ZNF202: variants seen among roughly 807,000 people sequenced by gnomAD.
ZNF202 encodes zinc finger protein 202.
Under a neutral mutation model 54.5 loss-of-function variants are expected in ZNF202, and 22 were observed. The observed-to-expected ratio is 0.40, with a 90% CI of 0.29 to 0.58. The LOEUF is 0.58. Ranked by LOEUF, ZNF202 falls within the 20% of genes least tolerant of loss-of-function variation. The pLI, the probability that ZNF202 is intolerant of heterozygous loss-of-function variation, is 0.39. For missense variants in ZNF202, 644 were observed against 805.5 expected, an observed-to-expected ratio of 0.80 and a Z score of 2.43; for synonymous variants, 294 against 301.4, an observed-to-expected ratio of 0.98 and a Z score of 0.26.
intron 3 of ZNF202, chr11:123,739,642 T>G (rs2137381144): frequency 6.6e-6 from 1 of 152,330 alleles, no homozygotes; most frequent in East Asian, 1.9e-4. Flanking sequence ...GCTTTCTTAA[T>G]TTTGCGAACA....
intron 3 of ZNF202, among the ~76,000 whole-genome samples, chr11:123,735,918 A>G (rs559255746): frequency 2.0e-5 from 3 of 152,370 alleles, no homozygotes; most frequent in African/African-American, 7.2e-5. Flanking sequence ...GAAGAGTTCC[A>G]GAGTAAGACA....
intron 5 of ZNF202, among the ~76,000 whole-genome samples, 182 bp downstream of exon 5, chr11:123,729,433 T>C (rs1464757621): frequency 6.6e-6 from 1 of 152,176 alleles, no homozygotes; most frequent in Non-Finnish European, 1.5e-5. Flanking sequence ...TGTCTAAGCT[T>C]GGCCCTGTTT....
chr11:123,735,310 C>A (rs996360224), intron 3 of ZNF202, among the ~76,000 whole-genome samples: 1 of 152,170 alleles, frequency 6.6e-6, no homozygotes, highest in Non-Finnish European at 1.5e-5. Context: ...GATCCTACAA[C>A]GTATGCATTG....
chr11:123,731,331 T>C (rs921257333), intron 3 of ZNF202, among the ~76,000 whole-genome samples: 5 of 152,242 alleles, frequency 3.3e-5, no homozygotes, highest in African/African-American at 4.8e-5. Context: ...ATCTCCTGCC[T>C]GGACTACTGC....
intron 3 of ZNF202, 88 bp downstream of exon 3, chr11:123,740,029 A>C (rs1861797713): frequency 6.6e-6 from 1 of 152,218 alleles, no homozygotes; most frequent in African/African-American, 2.4e-5. Flanking sequence ...TGGTGAGAGA[A>C]CAGCAAAAAC....
intron 3 of ZNF202, among the ~76,000 whole-genome samples, chr11:123,734,896 G>T (rs1565528577): frequency 6.6e-6 from 1 of 152,132 alleles, no homozygotes; most frequent in Non-Finnish European, 1.5e-5. Flanking sequence ...TGTTTGGATT[G>T]TGAGTAAAAC....
At position 123,725,066 on chromosome 11, in the gene ZNF202, G is replaced by T. The variant is rs957995202; in HGVS notation, c.*931C>A. 1.3e-5 allele frequency: 2 copies of T among 152,300 alleles called. No individual in the cohort carries two copies. The highest frequency in any genetic ancestry group is 6.5e-5 in the Admixed American group (1 of 15,296). The allele number at this position is 152,300 out of a possible 1,614,324, so 9.4% of individuals were successfully genotyped here. A position where few individuals can be genotyped will look rare whatever the true frequency, so the allele number is the denominator to read the frequency against. On this transcript the variant is annotated 3_prime_UTR_variant, in exon 9 of 9. Coordinates refer to ENST00000530393, the MANE Select transcript of ZNF202 (RefSeq NM_003455.4). Reference sequence around the variant, plus strand: ...CCTTACTCATACGACCCCTGTGAAGGGGGGTGTGAAGGGGTTGGTGGGCTT... The same window carrying T: ...CCTTACTCATACGACCCCTGTGAAGTGGGGTGTGAAGGGGTTGGTGGGCTT...
chr11:123,728,967 T>C (rs1861280086), intron 6 of ZNF202, among the ~76,000 whole-genome samples, 159 bp downstream of exon 6: 1 of 152,192 alleles, frequency 6.6e-6, no homozygotes, highest in Non-Finnish European at 1.5e-5. Flanking sequence ...GGTATGATAA[T>C]TTATCTCATT....
intron 3 of ZNF202, among the ~76,000 whole-genome samples, chr11:123,733,287 G>C (rs1172975768): frequency 3.3e-5 from 5 of 152,052 alleles, no homozygotes; most frequent in African/African-American, 9.7e-5. Flanking sequence ...TCTAATTCAT[G>C]CTCTTATGAC....
chr11:123,741,294 A>G (rs913520605), intron 1 of ZNF202, among the ~76,000 whole-genome samples: 6 of 152,072 alleles, frequency 3.9e-5, no homozygotes, highest in African/African-American at 1.4e-4. Flanking sequence ...GTGGCTGGAA[A>G]GGAAAGGAAG....
At chr11:123,741,077 G>GT (rs1861843005) in intron 1 of ZNF202, among the ~76,000 whole-genome samples, 2 of 152,068 alleles carry the variant, frequency 1.3e-5, no homozygotes, top group Admixed American at 1.3e-4. Context: ...GCTTGGTGGT[G>GT]TAAGGAGATG....
chr11:123,728,991 C>T, intron 6 of ZNF202, 135 bp downstream of exon 6: 1 of 785,578 alleles, frequency 1.3e-6, no homozygotes. Flanking sequence ...TCCTCCCCTT[C>T]CAGGTACCTG....
At chr11:123,735,197 G>C (rs927388211) in intron 3 of ZNF202, among the ~76,000 whole-genome samples, 2 of 152,160 alleles carry the variant, frequency 1.3e-5, no homozygotes, top group Admixed American at 6.5e-5. Flanking sequence ...TTAATAAAAG[G>C]ACTTCTAGTA....
intron 1 of ZNF202, among the ~76,000 whole-genome samples, chr11:123,741,233 G>T (rs1273866855): frequency 5.9e-5 from 9 of 152,134 alleles, no homozygotes; most frequent in Admixed American, 5.9e-4. Flanking sequence ...TAGGAGGTAC[G>T]AGGTACGGAC....
At chr11:123,735,064 G>A (rs1306005574) in intron 3 of ZNF202, among the ~76,000 whole-genome samples, 1 of 151,840 alleles carries the variant, frequency 6.6e-6, no homozygotes, top group Non-Finnish European at 1.5e-5. Context: ...ATTTTAATAA[G>A]CGCAAAATCA....
In ZNF202 at chr11:123,730,851, C is replaced by T; in HGVS notation, c.38G>A (p.Trp13Ter). Residue 13 changes from tryptophan to a stop codon, truncating the protein, a stop_gained, in exon 4 of 9, where the codon TGG becomes TAG. Coordinates refer to ENST00000530393, the MANE Select transcript of ZNF202 (RefSeq NM_003455.4). LOFTEE classifies it high-confidence loss of function. This position sits in a 1 kb window ranked among gnomAD's most constrained non-coding sequence, Gnocchi z 6.0. ...TAVEPEDQDL[W>*]EEEGILMVKL... ...CACCATCAGAATTCCCTCTTCTTCC[C>T]AAAGATCCTGGTCCTCTGGTTCCAC... The T allele has an allele frequency of 1.2e-6, 2 of 1,614,134 alleles. No homozygotes were observed. Among genetic ancestry groups the T allele is most frequent in the Non-Finnish European group, 1.7e-6 (2 of 1,180,008 alleles).
In ZNF202 at chr11:123,726,757, T is replaced by C. The variant is rs747009236; in HGVS notation, c.1187A>G (p.His396Arg). 6.2e-7 allele frequency: 1 copy of C among 1,614,246 alleles called. No individual in the cohort carries two copies. The highest frequency in any genetic ancestry group is 8.5e-7 in the Non-Finnish European group (1 of 1,180,042). The change falls in exon 9 of 9, where the codon CAT becomes CGT. Residue 396 changes from histidine (H) to arginine (R), a missense_variant. Transcript: ENST00000530393. The surrounding 1 kb of genome is among the most constrained non-coding windows in gnomAD (Gnocchi z 6.0). Reference sequence around the variant, plus strand: ...CTTTCCACACACAGAACAGTCATGATGCCTCCCTAACAGGGGGTGGACGGG... The same window carrying C: ...CTTTCCACACACAGAACAGTCATGACGCCTCCCTAACAGGGGGTGGACGGG... The part of the protein sequence containing the change: ...TTPVHPLLGR[H>R]HDCSVCGKSF...
intron 3 of ZNF202, among the ~76,000 whole-genome samples, chr11:123,737,931 T>C (rs1048618067): frequency 7.9e-5 from 12 of 152,178 alleles, no homozygotes; most frequent in African/African-American, 2.9e-4. Flanking sequence ...ATATACAGCA[T>C]CTCTATTGAA....
intron 3 of ZNF202, among the ~76,000 whole-genome samples, chr11:123,731,747 A>G (rs1217302046): frequency 1.3e-5 from 2 of 152,248 alleles, no homozygotes; most frequent in African/African-American, 4.8e-5. Context: ...AAAGCCTATG[A>G]GCATTAAATG....
Sources: gnomAD v4.1 joint callset for allele counts (sites outside exome capture counted in the v4.1 genomes callset) on GRCh38, gnomAD v4.1.1 for gene constraint, Gnocchi (gnomAD v3.1) non-coding constraint, MANE v1.5 for transcripts, NCBI Gene and HGNC (gene_info 2026-07-23, HGNC 2026-07-21) for gene names.